The following SLC25A31 variants were observed in gnomAD, a reference collection of about 807,000 sequenced individuals.
SLC25A31 encodes ADP/ATP translocase 4.
A neutral mutation model predicts 36.2 loss-of-function variants in SLC25A31; 40 were observed. The ratio of observed to expected loss-of-function variants is 1.10; its 90% CI spans 0.86 to 1.44. The LOEUF is 1.44. SLC25A31 is among the 40% of genes most tolerant of loss of function. SLC25A31 has a pLI of 0.00. For synonymous variants in SLC25A31, 143 were observed against 149.7 expected (o/e 0.96, Z 0.32); for missense variants, 350 against 397.1 (o/e 0.88, Z 1.01).
At chr4:127,735,696 G>A (rs542307074) in intron 1 of SLC25A31, among the ~76,000 whole-genome samples, 16 of 150,820 alleles carry the variant, frequency 1.1e-4, no homozygotes, top group South Asian at 8.4e-4. Context: ...TACATAATAT[G>A]GTAGTATAGT....
chr4:127,766,826 G>A (rs987101985), intron 3 of SLC25A31, among the ~76,000 whole-genome samples: 8 of 152,192 alleles, frequency 5.3e-5, no homozygotes, highest in African/African-American at 1.9e-4. Flanking sequence ...AATACTTTAA[G>A]GCAGGTTGTT....
intron 2 of SLC25A31, among the ~76,000 whole-genome samples, chr4:127,759,485 A>G (rs1023053321): frequency 1.1e-4 from 17 of 152,142 alleles, no homozygotes; most frequent in African/African-American, 4.1e-4. Context: ...TGCTCTGGCT[A>G]TGACTTTCAC....
At chr4:127,745,511 T>C (rs1731809078) in intron 2 of SLC25A31, among the ~76,000 whole-genome samples, 1 of 152,150 alleles carries the variant, frequency 6.6e-6, no homozygotes, top group Admixed American at 6.5e-5. Flanking sequence ...TTTTTCTCCC[T>C]ATTACTCCTC....
At chr4:127,752,132 C>T (rs1275468359) in intron 2 of SLC25A31, among the ~76,000 whole-genome samples, 19 of 152,058 alleles carry the variant, frequency 1.2e-4, no homozygotes, top group African/African-American at 3.9e-4. Context: ...ATGTTTATTG[C>T]GGCACTATTC....
intron 2 of SLC25A31, among the ~76,000 whole-genome samples, chr4:127,760,941 G>T (rs191888216): frequency 6.6e-6 from 1 of 152,092 alleles, no homozygotes; most frequent in African/African-American, 2.4e-5. Flanking sequence ...CAGCCTGGGC[G>T]GGGGGAAAAC....
At chr4:127,731,124 A>G (rs1228025924) in intron 1 of SLC25A31, among the ~76,000 whole-genome samples, 2 of 152,258 alleles carry the variant, frequency 1.3e-5, no homozygotes, top group Admixed American at 1.3e-4. Flanking sequence ...CTCTGCTATA[A>G]CTAGTGCTCT....
At chr4:127,749,132 A>G (rs960110879) in intron 2 of SLC25A31, among the ~76,000 whole-genome samples, 1 of 152,064 alleles carries the variant, frequency 6.6e-6, no homozygotes, top group African/African-American at 2.4e-5. Flanking sequence ...ACAGTGACAG[A>G]ACTGAAAAAG....
At chr4:127,747,857 T>C (rs1050988477) in intron 2 of SLC25A31, among the ~76,000 whole-genome samples, 7 of 152,180 alleles carry the variant, frequency 4.6e-5, no homozygotes, top group African/African-American at 1.4e-4. Flanking sequence ...TCTGTTATAC[T>C]GTGGTTTATT....
At chr4:127,751,454 A>G (rs1486305770) in intron 2 of SLC25A31, among the ~76,000 whole-genome samples, 2 of 152,196 alleles carry the variant, frequency 1.3e-5, no homozygotes, top group Non-Finnish European at 1.5e-5. Flanking sequence ...TGTTAGACCT[A>G]AAACCATAAA....
intron 1 of SLC25A31, among the ~76,000 whole-genome samples, chr4:127,734,670 C>T (rs569653401): frequency 2.4e-4 from 36 of 150,638 alleles, no homozygotes; most frequent in Admixed American, 4.6e-4. Context: ...TTCATCTAAG[C>T]TTTTCCCAAA....
chr4:127,757,443 A>G (rs1262027896), intron 2 of SLC25A31, among the ~76,000 whole-genome samples: 2 of 152,188 alleles, frequency 1.3e-5, no homozygotes, highest in African/African-American at 4.8e-5. Context: ...AGCTGCATCC[A>G]TGTTGCTGCC....
rs762741090 is a variant in SLC25A31, at chr4:127,767,185, C to G, written c.598C>G (p.Arg200Gly). ...TTCAGTACAGGGCATCATTGTGTAC[C>G]GAGCCTCTTATTTTGGAGCTTATGA... Reference protein sequence around the residue: ...GVSVQGIIVYRASYFGAYDTV... With the variant: ...GVSVQGIIVYGASYFGAYDTV... The change falls in exon 4 of 6, where the codon CGA becomes GGA. Residue 200 changes from arginine (R) to glycine (G), a missense_variant. By Grantham distance (125) the Arg-to-Gly change is moderately radical (BLOSUM62 -2). Coordinates refer to ENST00000281154, the MANE Select transcript of SLC25A31 (RefSeq NM_031291.4). The G allele has an allele frequency of 4.4e-6, 7 of 1,606,192 alleles. No homozygotes were observed. The highest frequency in any genetic ancestry group is 5.1e-6 in the Non-Finnish European group (6 of 1,176,216).
In SLC25A31 at chr4:127,730,513, C is replaced by T; in HGVS notation, c.-33C>T. 3 of 1,597,782 alleles carry T rather than the reference C, an allele frequency of 1.9e-6. No individual in the cohort carries two copies. The highest frequency in any genetic ancestry group is 1.3e-5 in the African/African-American group (1 of 74,672). ...TCGTAGCTCCCGTACTCATTTTTAG[C>T]CACTGCTGCCGGTTTTTATATCCTT... On this transcript the variant is annotated 5_prime_UTR_variant, in exon 1 of 6. Coordinates refer to ENST00000281154, the MANE Select transcript of SLC25A31 (RefSeq NM_031291.4).
chr4:127,733,310 T>G (rs554163882), intron 1 of SLC25A31, among the ~76,000 whole-genome samples: 10 of 152,326 alleles, frequency 6.6e-5, no homozygotes, highest in African/African-American at 2.4e-4. Flanking sequence ...GTGGAATTTT[T>G]AATTTTTTCA....
rs80076337 is a variant in SLC25A31, at chr4:127,769,734, G to C, written c.759+857G>C. ...TGTGTGTAGGTTCCAGGAATACATAGAGGAGGGTTGCCCAAATGCTTAAAA... is the reference window on the plus strand; with the variant it reads ...TGTGTGTAGGTTCCAGGAATACATACAGGAGGGTTGCCCAAATGCTTAAAA... On this transcript the variant is annotated intron_variant, in intron 5 of 5. Transcript: ENST00000281154. Among the ~76,000 whole-genome samples the C allele has an allele frequency of 3.9e-5, 6 of 152,280 alleles. No individual in the cohort carries two copies. The East Asian group carries it at 1.2e-3, about 29-fold the overall frequency.
chr4:127,743,956 A>G (rs1054513308), intron 1 of SLC25A31, among the ~76,000 whole-genome samples: 1 of 152,210 alleles, frequency 6.6e-6, no homozygotes, highest in African/African-American at 2.4e-5. Context: ...ATCGAGTGAA[A>G]ACAACCAAGG....
At position 127,768,858 on chromosome 4, in the gene SLC25A31, G is replaced by C; in HGVS notation, c.740G>C (p.Arg247Thr). 6.3e-7 allele frequency: 1 copy of C among 1,596,252 alleles called. No individual in the cohort carries two copies. Among genetic ancestry groups the C allele is most frequent in the Non-Finnish European group, 8.5e-7 (1 of 1,173,600 alleles). ...GILSYPFDTV[R>T]RRMMMQSGEA... Reference sequence around the variant, plus strand: ...CTTTCTTATCCCTTTGACACAGTTAGAAGACGTATGATGATGCAGGTATTT... The same window carrying C: ...CTTTCTTATCCCTTTGACACAGTTACAAGACGTATGATGATGCAGGTATTT... Residue 247 changes from arginine to threonine, a missense_variant, in exon 5 of 6, where the codon AGA becomes ACA. Coordinates refer to ENST00000281154, the MANE Select transcript of SLC25A31 (RefSeq NM_031291.4).
At chr4:127,771,972 TTTGATTGCTG>T (rs1732372312) in intron 5 of SLC25A31, among the ~76,000 whole-genome samples, 2 of 152,228 alleles carry the variant, frequency 1.3e-5, no homozygotes, top group African/African-American at 4.8e-5. Context: ...ACTTGCTAGA[TTTGATTGCTG>T]GGTTTTGTTC....
intron 2 of SLC25A31, 125 bp from the exon 3 acceptor site, chr4:127,764,118 G>T (rs150197584): frequency 4.3e-5 from 32 of 748,248 alleles, no homozygotes; most frequent in Admixed American, 3.9e-4. Context: ...TATTATAGAT[G>T]TTTACTTTAT....
Sources: gnomAD v4.1 joint callset for allele counts (sites outside exome capture counted in the v4.1 genomes callset) on GRCh38, gnomAD v4.1.1 for gene constraint, MANE v1.5 for transcripts, NCBI Gene and HGNC (gene_info 2026-07-23, HGNC 2026-07-21) for gene names.